Variants in BCAS4 observed in about 807,000 individuals in gnomAD.
BCAS4 encodes breast carcinoma amplified sequence 4, also known as breast carcinoma-amplified sequence 4.
A neutral mutation model predicts 15.7 loss-of-function variants in BCAS4; 9 were observed. That is an observed-to-expected ratio of 0.57 (90% CI 0.34 to 1.00). The LOEUF (loss-of-function observed/expected upper bound fraction) is 1.00, where lower values mean the gene tolerates loss of function less well. Ranked by LOEUF, BCAS4 falls within the 50% of genes least tolerant of loss-of-function variation. The probability of loss-of-function intolerance (pLI) is 0.02; values close to 1 mark genes in which losing one functional copy is unlikely to be tolerated. For missense variants in BCAS4, 225 were observed against 239.1 expected, an observed-to-expected ratio of 0.94 and a Z score of 0.39; for synonymous variants, 101 against 99.5, an observed-to-expected ratio of 1.02 and a Z score of -0.09.
intron 2 of BCAS4, among the ~76,000 whole-genome samples, chr20:50,827,111 T>C (rs1378271834): frequency 1.3e-5 from 2 of 152,298 alleles, no homozygotes; most frequent in South Asian, 2.1e-4. Context: ...TTCTCATGAG[T>C]GTCCTCTTTC....
intron 1 of BCAS4, among the ~76,000 whole-genome samples, chr20:50,811,183 G>A (rs2088058321): frequency 6.6e-6 from 1 of 152,048 alleles, no homozygotes; most frequent in Non-Finnish European, 1.5e-5. Context: ...TGTTTTCTGA[G>A]CAGGTAGAAG....
At chr20:50,853,300 A>G (rs933627840) in intron 4 of BCAS4, among the ~76,000 whole-genome samples, 36 of 151,624 alleles carry the variant, frequency 2.4e-4, no homozygotes, top group African/African-American at 8.5e-4. Context: ...ACATACCACC[A>G]TGCCCAGCTA....
At chr20:50,862,199 C>G (rs950056233) in intron 4 of BCAS4, among the ~76,000 whole-genome samples, 6 of 151,850 alleles carry the variant, frequency 4.0e-5, no homozygotes, top group Admixed American at 6.6e-5. Flanking sequence ...CCTCATTTTC[C>G]CCTCCTTTCC....
chr20:50,795,013 G>T, upstream of BCAS4: 1 of 1,373,222 alleles, frequency 7.3e-7, no homozygotes, highest in Non-Finnish European at 9.4e-7. Flanking sequence ...ACCGGGGGCG[G>T]GGCTCCGAGG....
At chr20:50,810,426 A>G (rs903852256) in intron 1 of BCAS4, among the ~76,000 whole-genome samples, 1 of 152,064 alleles carries the variant, frequency 6.6e-6, no homozygotes, top group Non-Finnish European at 1.5e-5. Context: ...TTGGAAGGCC[A>G]ACTTTGAAAC....
intron 3 of BCAS4, among the ~76,000 whole-genome samples, chr20:50,837,670 G>A (rs1030578930): frequency 7.2e-5 from 11 of 152,170 alleles, no homozygotes; most frequent in East Asian, 3.9e-4. Flanking sequence ...TCCTCTCCCC[G>A]GAGTCGGAGC....
chr20:50,844,136 A>G (rs1173490628), intron 4 of BCAS4, among the ~76,000 whole-genome samples: 1 of 151,840 alleles, frequency 6.6e-6, no homozygotes, highest in Non-Finnish European at 1.5e-5. Flanking sequence ...TAACAGAGTG[A>G]GGCCCTGTCT....
At chr20:50,809,338 T>A (rs2088033053) in intron 1 of BCAS4, among the ~76,000 whole-genome samples, 1 of 152,086 alleles carries the variant, frequency 6.6e-6, no homozygotes, top group African/African-American at 2.4e-5. Context: ...GTGTCCCCAA[T>A]AGCTGGGATT....
intron 4 of BCAS4, among the ~76,000 whole-genome samples, chr20:50,872,860 C>T (rs999982861): frequency 5.3e-5 from 8 of 152,254 alleles, no homozygotes; most frequent in Non-Finnish European, 1.5e-5. Flanking sequence ...CCAGCCTCTG[C>T]AGCCTTCTGT....
intron 4 of BCAS4, among the ~76,000 whole-genome samples, chr20:50,871,131 A>T (rs1979620290): frequency 6.6e-6 from 1 of 152,206 alleles, no homozygotes; most frequent in Non-Finnish European, 1.5e-5. Context: ...TGAAAACCCC[A>T]GGGTTTGAGT....
chr20:50,798,332 T>C (rs569970032), intron 1 of BCAS4, among the ~76,000 whole-genome samples: 2 of 151,170 alleles, frequency 1.3e-5, no homozygotes, highest in East Asian at 3.9e-4. Flanking sequence ...CCAAAAGAAT[T>C]AAAAAAGAAA....
intron 2 of BCAS4, among the ~76,000 whole-genome samples, chr20:50,819,589 T>C (rs1469080408): frequency 6.6e-6 from 1 of 152,070 alleles, no homozygotes; most frequent in Non-Finnish European, 1.5e-5. Context: ...CATCCCTACC[T>C]ATTCAGCGGA....
At chr20:50,864,127 A>C (rs1979234698) in intron 4 of BCAS4, among the ~76,000 whole-genome samples, 1 of 152,236 alleles carries the variant, frequency 6.6e-6, no homozygotes, top group Non-Finnish European at 1.5e-5. Flanking sequence ...GAGGGCACAC[A>C]GATCTCAGGT....
chr20:50,868,864 C>A (rs969352526), intron 4 of BCAS4, among the ~76,000 whole-genome samples: 1 of 152,202 alleles, frequency 6.6e-6, no homozygotes, highest in African/African-American at 2.4e-5. Context: ...GTGCTTTGAG[C>A]AAATAGGTTG....
At chr20:50,827,676 C>G (rs151241580) in intron 2 of BCAS4, among the ~76,000 whole-genome samples, 3 of 152,160 alleles carry the variant, frequency 2.0e-5, no homozygotes, top group Non-Finnish European at 2.9e-5. Context: ...ACAAGATGCT[C>G]CAGACTCAGC....
upstream of BCAS4, chr20:50,794,974 C>T: frequency 8.0e-7 from 1 of 1,242,278 alleles, no homozygotes. Context: ...GCCCCGCCTC[C>T]GCCAGGCGGT....
intron 1 of BCAS4, among the ~76,000 whole-genome samples, chr20:50,817,531 T>G (rs1392810507): frequency 6.6e-6 from 1 of 152,134 alleles, no homozygotes; most frequent in African/African-American, 2.4e-5. Context: ...GGTGCAATCT[T>G]GGCTCACTGC....
At chr20:50,817,196 C>T (rs1418111679) in intron 1 of BCAS4, among the ~76,000 whole-genome samples, 3 of 151,850 alleles carry the variant, frequency 2.0e-5, no homozygotes, top group Non-Finnish European at 4.4e-5. Context: ...CCTCGGCCTC[C>T]CAAAATGTTG....
At chr20:50,859,523 G>C (rs1978957285) in intron 4 of BCAS4, among the ~76,000 whole-genome samples, 1 of 152,210 alleles carries the variant, frequency 6.6e-6, no homozygotes, top group Non-Finnish European at 1.5e-5. Context: ...TGAGAGCCAG[G>C]TGGCTGGTGC....
Sources: allele counts gnomAD v4.1 joint callset (sites outside exome capture counted in the v4.1 genomes callset), GRCh38; gene constraint gnomAD v4.1.1; transcripts MANE v1.5; gene names NCBI Gene and HGNC (gene_info 2026-07-23, HGNC 2026-07-21).